The following USP4 variants were observed in gnomAD, a reference collection of about 807,000 sequenced individuals.
The protein encoded by USP4 is ubiquitin specific peptidase 4.
USP4 carries 72 observed loss-of-function variants against 118.2 expected under a neutral mutation model. The observed-to-expected ratio is 0.61, with a 90% CI of 0.50 to 0.74. USP4 has a LOEUF of 0.74. Among genes scored for constraint, USP4 ranks in the 30% least tolerant of loss-of-function variants. The pLI is 0.00. For synonymous variants in USP4, 415 were observed against 440.4 expected (o/e 0.94, Z 0.72); for missense variants, 1,037 against 1,185.7 (o/e 0.87, Z 1.84).
At chr3:49,307,030 T>C (rs555635200) in intron 8 of USP4, among the ~76,000 whole-genome samples, 1 of 151,892 alleles carries the variant, frequency 6.6e-6, no homozygotes, top group East Asian at 2.0e-4. Context: ...GTGATCCGCC[T>C]GCCTCAGCCT....
chr3:49,290,574 ATGCAATCTCAGCTCAC>A (rs2047141603), intron 15 of USP4, among the ~76,000 whole-genome samples: 1 of 151,532 alleles, frequency 6.6e-6, no homozygotes, highest in Admixed American at 6.6e-5. Context: ...GAGTGCAATG[ATGCAATCTCAGCTCAC>A]TGCAACCTCC....
At position 49,324,955 on chromosome 3, in the gene USP4, G is replaced by C; in HGVS notation, c.572C>G (p.Thr191Ser). The C allele has an allele frequency of 6.2e-7, 1 of 1,614,160 alleles. No homozygotes were observed. The highest frequency in any genetic ancestry group is 8.5e-7 in the Non-Finnish European group (1 of 1,180,040). Residue 191 changes from threonine to serine, a missense_variant, in exon 5 of 22, where the codon ACC becomes AGC. Around this residue, in one of 3 missense-constraint regions of USP4, gnomAD observed 487 missense variants for 534.1 expected, o/e 0.91. Coordinates refer to ENST00000265560, the MANE Select transcript of USP4 (RefSeq NM_003363.4). ...GTCTAGCTTGCTCAACTGCTCGTAG[G>C]TGTTGCTCATGTATTTGTTCCAGAG... ...TRLWNKYMSN[T>S]YEQLSKLDNT...
In USP4 at chr3:49,294,455, T is replaced by C. The variant is rs760817412; in HGVS notation, c.1835A>G (p.His612Arg). The C allele has an allele frequency of 1.9e-6, 3 of 1,614,162 alleles. No homozygotes were observed. Among genetic ancestry groups the C allele is most frequent in the Non-Finnish European group, 2.5e-6 (3 of 1,180,012 alleles). Reference protein sequence around the residue: ...GQPLLLSVPKHKLTLESLYQA... With the variant: ...GQPLLLSVPKRKLTLESLYQA... ...GTACAAAGACTCAAGGGTTAACTTGTGCTTGGGGACAGAAAGCAATAGTGG... is the reference window on the plus strand; with the variant it reads ...GTACAAAGACTCAAGGGTTAACTTGCGCTTGGGGACAGAAAGCAATAGTGG... Residue 612 changes from histidine to arginine, a missense_variant, in exon 14 of 22, where the codon CAC becomes CGC. By Grantham distance (29) the His-to-Arg change is conservative. Around this residue, in one of 3 missense-constraint regions of USP4, gnomAD observed 522 missense variants for 592.6 expected, o/e 0.88. Transcript: ENST00000265560.
intron 16 of USP4, among the ~76,000 whole-genome samples, chr3:49,285,830 G>C (rs2047085589): frequency 6.6e-6 from 1 of 152,192 alleles, no homozygotes. Flanking sequence ...CCACAGGAAA[G>C]GTTATCGACC....
Position 49,284,043 on chromosome 3 carries a change from G to A in USP4, c.2484C>T (p.Phe828=). The change falls in exon 19 of 22, where the codon TTC becomes TTT. Residue 828 remains phenylalanine, a synonymous_variant. Transcript: ENST00000265560. ...PKILVVHLKR[F]SYNRYWRDKL... is the part of the protein sequence containing the mutation. Reference sequence around the variant, plus strand: ...TATCCCTCCAGTATCTGTTGTAGGAGAAACGTTTGAGGTGGACCACCAGGA... The same window carrying A: ...TATCCCTCCAGTATCTGTTGTAGGAAAAACGTTTGAGGTGGACCACCAGGA... 1.9e-6 allele frequency: 3 copies of A among 1,614,260 alleles called. No homozygotes were observed. Among genetic ancestry groups the A allele is most frequent in the Non-Finnish European group, 2.5e-6 (3 of 1,180,050 alleles).
chr3:49,298,838 G>A (rs2107778030), intron 11 of USP4, among the ~76,000 whole-genome samples: 1 of 152,242 alleles, frequency 6.6e-6, no homozygotes, highest in Non-Finnish European at 1.5e-5. Context: ...AGCAGCATGG[G>A]GGCTAGGCCA....
At position 49,278,394 on chromosome 3, in the gene USP4, G is replaced by A; in HGVS notation, c.2791C>T (p.Pro931Ser). 2 of 1,614,174 alleles carry A rather than the reference G, an allele frequency of 1.2e-6. No individual in the cohort carries two copies. Among genetic ancestry groups the A allele is most frequent in the Non-Finnish European group, 1.7e-6 (2 of 1,180,030 alleles). Residue 931 changes from proline (P) to serine (S), a missense_variant, in exon 22 of 22, where the codon CCT becomes TCT. Physicochemically the swap from Pro to Ser is moderately conservative, Grantham distance 74. Transcript: ENST00000265560. Reference protein sequence around the residue: ...QRRDDEFYKTPSLSSSGSSDG... With the variant: ...QRRDDEFYKTSSLSSSGSSDG... ...GAGGAACCAGAACTGCTAAGTGAAG[G>A]TGTCTTATAAAATTCATCATCTCGA...
intron 2 of USP4, among the ~76,000 whole-genome samples, chr3:49,329,587 G>A (rs1458592406): frequency 1.3e-5 from 2 of 152,098 alleles, no homozygotes; most frequent in African/African-American, 2.4e-5. Flanking sequence ...TTTTTATAGG[G>A]ATGGGGTTTT....
At chr3:49,310,946 A>C (rs2047376024) in intron 7 of USP4, among the ~76,000 whole-genome samples, 1 of 152,174 alleles carries the variant, frequency 6.6e-6, no homozygotes, top group African/African-American at 2.4e-5. Flanking sequence ...TAAGGAAAGA[A>C]ACACTACTTG....
Position 49,305,874 on chromosome 3 carries a change from A to G in USP4, c.969T>C (p.Thr323=). 6.2e-7 allele frequency: 1 copy of G among 1,613,464 alleles called. No individual in the cohort carries two copies. The highest frequency in any genetic ancestry group is 8.5e-7 in the Non-Finnish European group (1 of 1,179,710). The change falls in exon 9 of 22, where the codon ACT becomes ACC. Residue 323 remains threonine, a synonymous_variant. Coordinates refer to ENST00000265560, the MANE Select transcript of USP4 (RefSeq NM_003363.4). ...MNSALQCLSN[T]APLTDYFLKD... ...TGAGAAAGTAGTCAGTCAGTGGTGC[A>G]GTGTTGCTCAAACACTGAAACAGAA...
chr3:49,324,770 G>C lies in USP4; in HGVS notation c.634-7C>G. 2.5e-6 allele frequency: 4 copies of C among 1,614,132 alleles called. No homozygotes were observed. The highest frequency in any genetic ancestry group is 3.4e-6 in the Non-Finnish European group (4 of 1,180,002). On this transcript the variant is annotated splice_polypyrimidine_tract_variant and splice_region_variant and intron_variant, in intron 5 of 21. Transcript: ENST00000265560. ...GAGGCTCAATTACTAGCACCTGAGT[G>C]AAAGGGGAAACCAAATGAGGAGAGT...
intron 15 of USP4, among the ~76,000 whole-genome samples, chr3:49,288,915 G>A (rs1358101186): frequency 6.6e-6 from 1 of 152,064 alleles, no homozygotes; most frequent in Non-Finnish European, 1.5e-5. Flanking sequence ...TTCGAGACAA[G>A]CCTGGGAAAC....
At chr3:49,298,255 T>C (rs942465198) in intron 12 of USP4, among the ~76,000 whole-genome samples, 2 of 152,134 alleles carry the variant, frequency 1.3e-5, no homozygotes, top group African/African-American at 2.4e-5. Flanking sequence ...GAGTATTCCA[T>C]AGTCTGCAGT....
chr3:49,300,413 G>C, intron 11 of USP4, 54 bp downstream of exon 11: 1 of 1,535,818 alleles, frequency 6.5e-7, no homozygotes, highest in Non-Finnish European at 9.0e-7. Context: ...AGTCCCACTG[G>C]GATCTGGAGA....
intron 6 of USP4, chr3:49,318,608 CAATT>C: frequency 5.1e-6 from 5 of 985,186 alleles, no homozygotes; most frequent in Non-Finnish European, 6.0e-6. Flanking sequence ...GAAAAAAAGA[CAATT>C]AAATATAAAC....
Position 49,286,133 on chromosome 3 carries a change from GA to G in USP4, c.2164del (p.Ser722HisfsTer42), listed in dbSNP as rs1274839057. ...AAGTAGTTTTCCATCAGCTGCAAGT[GA>G]ATTTATGTCAGCTGTTCCATAGGAG... ...VNSYGTADIN[S>X]LAADGKLLKL... On this transcript the variant is annotated frameshift_variant, in exon 16 of 22. Transcript: ENST00000265560. LOFTEE classifies it high-confidence loss of function. 6.2e-7 allele frequency: 1 copy of G among 1,614,076 alleles called. No homozygotes were observed. Among genetic ancestry groups the G allele is most frequent in the East Asian group, 2.2e-5 (1 of 44,902 alleles).
intron 8 of USP4, among the ~76,000 whole-genome samples, chr3:49,307,387 G>C (rs976455873): frequency 2.0e-5 from 3 of 150,518 alleles, no homozygotes; most frequent in African/African-American, 7.3e-5. Flanking sequence ...CTGCACTCCA[G>C]ACTGGGCAAG....
At chr3:49,302,585 A>C (rs1296343842) in intron 9 of USP4, 43 bp from the exon 10 acceptor site, 2 of 1,578,546 alleles carry the variant, frequency 1.3e-6, no homozygotes, top group Non-Finnish European at 1.7e-6. Flanking sequence ...ATACGTAAAG[A>C]ACTAGTTAAA....
intron 15 of USP4, among the ~76,000 whole-genome samples, chr3:49,290,466 G>A (rs1454951833): frequency 6.6e-6 from 1 of 152,186 alleles, no homozygotes; most frequent in African/African-American, 2.4e-5. Context: ...TGCATGTCTT[G>A]GAGGAATCTG....
Sources: gnomAD v4.1 joint callset for allele counts (sites outside exome capture counted in the v4.1 genomes callset) on GRCh38, gnomAD v4.1.1 for gene constraint, gnomAD v4.1.1 regional missense constraint, MANE v1.5 for transcripts, NCBI Gene and HGNC (gene_info 2026-07-23, HGNC 2026-07-21) for gene names.